Variants in MEF2C observed in about 807,000 individuals in gnomAD.
The protein encoded by MEF2C is myocyte enhancer factor 2C.
A neutral mutation model predicts 50.5 loss-of-function variants in MEF2C; 6 were observed. That is an observed-to-expected ratio of 0.12 (90% CI 0.07 to 0.23). The LOEUF (loss-of-function observed/expected upper bound fraction) is 0.23. MEF2C is among the 10% of genes least tolerant of loss of function. MEF2C has a pLI of 1.00. For missense variants in MEF2C, 276 were observed against 605.0 expected, an observed-to-expected ratio of 0.46 and a Z score of 5.70; for synonymous variants, 183 against 228.0, an observed-to-expected ratio of 0.80 and a Z score of 1.78.
chr5:88,833,353 T>G (rs921364390), intron 1 of MEF2C, among the ~76,000 whole-genome samples: 3 of 152,168 alleles, frequency 2.0e-5, no homozygotes, highest in Non-Finnish European at 4.4e-5. Context: ...TATAGTAATC[T>G]CCAATAAGAT....
rs542816886 is a variant in MEF2C, at chr5:88,768,783, C to T, written c.259-7455G>A. 3.7e-5 allele frequency: 24 copies of T among 642,114 alleles called. No homozygotes were observed. The South Asian group carries it at 6.1e-4, about 16-fold the overall frequency. The allele number at this position is 642,114 out of a possible 1,614,324, so 39.8% of individuals were successfully genotyped here. ...CATTTATTACTACCATTTCACACTA[C>T]GTTAAAACTCAATGTTTTTATTCCC... On this transcript the variant is annotated intron_variant, in intron 3 of 10. Coordinates refer to ENST00000504921, the MANE Select transcript of MEF2C (RefSeq NM_002397.5).
intron 6 of MEF2C, chr5:88,741,225 A>G (rs1379109780): frequency 1.0e-6 from 1 of 985,324 alleles, no homozygotes; most frequent in Non-Finnish European, 1.2e-6. Flanking sequence ...TAAGCTAAAC[A>G]TTATAACCAG....
rs537361868 is a variant in MEF2C at position 88,726,152 on chromosome 5, T to C, written c.1100+2341A>G. On this transcript the variant is annotated intron_variant, in intron 10 of 10. Coordinates refer to ENST00000504921, the MANE Select transcript of MEF2C (RefSeq NM_002397.5). The stretch of plus-strand genomic sequence containing the variant: ...GACAAAATATGAAGAACTCTGTTTA[T>C]GGTTTTGCAATTTTGAGAAAGAATT... Among the ~76,000 whole-genome samples, 34 of 152,276 alleles carry C rather than the reference T, an allele frequency of 2.2e-4. No homozygotes were observed. The South Asian group carries it at 3.9e-3, about 18-fold the overall frequency.
At position 88,718,396 on chromosome 5, in the gene MEF2C, A is replaced by G. The variant is rs1010662522; in HGVS notation, c.*4208T>C. 1 of 152,236 alleles carries G rather than the reference A, an allele frequency of 6.6e-6. No individual in the cohort carries two copies. Among genetic ancestry groups the G allele is most frequent in the African/African-American group, 2.4e-5 (1 of 41,472 alleles). 9.4% of individuals were successfully genotyped at this position (152,236 alleles called of 1,614,324 possible). On this transcript the variant is annotated 3_prime_UTR_variant, in exon 11 of 11. Transcript: ENST00000504921. ...TACACAGATGTGGTTTAACTTAGTT[A>G]TAACATCTTGTCATCTAGTGGCGAC...
At chr5:88,729,713 GTTT>G (rs898986108) in intron 8 of MEF2C, among the ~76,000 whole-genome samples, 1 of 152,114 alleles carries the variant, frequency 6.6e-6, no homozygotes, top group African/African-American at 2.4e-5. Context: ...AACCATGGTA[GTTT>G]TTATGTTCAG....
At position 88,717,171 on chromosome 5, in the gene MEF2C, G is replaced by T. The variant is rs1189920396; in HGVS notation, c.*5433C>A. ...GGATATTATCAGGATAATGATAGCA[G>T]AACACTAAACGAAACACAAGCTAGG... On this transcript the variant is annotated 3_prime_UTR_variant, in exon 11 of 11. Transcript: ENST00000504921. The T allele has an allele frequency of 6.6e-6, 1 of 152,140 alleles. No individual in the cohort carries two copies. The highest frequency in any genetic ancestry group is 6.5e-5 in the Admixed American group (1 of 15,268). 9.4% of individuals were successfully genotyped at this position (152,140 alleles called of 1,614,324 possible). A position where few individuals can be genotyped will look rare whatever the true frequency, so the allele number is the denominator to read the frequency against.
intron 1 of MEF2C, among the ~76,000 whole-genome samples, chr5:88,875,769 C>G (rs903602012): frequency 6.6e-6 from 1 of 151,900 alleles, no homozygotes. Context: ...CTGTTCCTTA[C>G]CCTATGTAGG....
In MEF2C at chr5:88,720,047, C is replaced by T. The variant is rs1755765039; in HGVS notation, c.*2557G>A. 2 of 152,124 alleles carry T rather than the reference C, an allele frequency of 1.3e-5. No individual in the cohort carries two copies. The highest frequency in any genetic ancestry group is 1.3e-4 in the Admixed American group (2 of 15,276). The allele number at this position is 152,124 out of a possible 1,614,324, so 9.4% of individuals were successfully genotyped here. ...CATATTTTCATGTAATGACCCTTTC[C>T]CACCCACTGGTATCTACTGATATTG... On this transcript the variant is annotated 3_prime_UTR_variant, in exon 11 of 11. Transcript: ENST00000504921.
chr5:88,799,041 G>C (rs1797178186), intron 3 of MEF2C, among the ~76,000 whole-genome samples: 2 of 152,196 alleles, frequency 1.3e-5, no homozygotes, highest in African/African-American at 4.8e-5. Context: ...GCACCCACCA[G>C]TTGCCAGCCG....
upstream of MEF2C, among the ~76,000 whole-genome samples, chr5:88,885,399 A>G (rs1164874791): frequency 2.0e-5 from 3 of 152,238 alleles, no homozygotes; most frequent in Non-Finnish European, 1.5e-5. Flanking sequence ...CAGCAAAACT[A>G]AGACCATTCC....
At chr5:88,836,235 A>G (rs1400231518) in intron 1 of MEF2C, among the ~76,000 whole-genome samples, 2 of 152,114 alleles carry the variant, frequency 1.3e-5, no homozygotes, top group African/African-American at 4.8e-5. Flanking sequence ...TTCTTTTCTA[A>G]ATGTATCATG....
At chr5:88,895,340 T>C (rs1835009284) in intron 1 of MEF2C, among the ~76,000 whole-genome samples, 1 of 152,338 alleles carries the variant, frequency 6.6e-6, no homozygotes, top group African/African-American at 2.4e-5. Flanking sequence ...GTCAGTGTTC[T>C]ATATAATATT....
At chr5:88,742,398 T>A (rs1484145953) in intron 6 of MEF2C, 1 of 984,378 alleles carries the variant, frequency 1.0e-6, no homozygotes, top group Non-Finnish European at 1.2e-6. Flanking sequence ...ATTAACGGCT[T>A]GAATTTAATA....
chr5:88,733,688 A>G (rs1372595289), intron 6 of MEF2C: 1 of 985,186 alleles, frequency 1.0e-6, no homozygotes, highest in East Asian at 1.1e-4. Context: ...GTCTCATTTT[A>G]TGCATGAATA....
intron 2 of MEF2C, among the ~76,000 whole-genome samples, chr5:88,816,503 C>CG (rs1805471983): frequency 1.8e-5 from 2 of 111,256 alleles, no homozygotes; most frequent in Non-Finnish European, 3.6e-5. Flanking sequence ...TTTGGAAACT[C>CG]TTACAAGTAT....
intron 3 of MEF2C, among the ~76,000 whole-genome samples, chr5:88,801,793 G>A (rs536978083): frequency 6.6e-6 from 1 of 152,106 alleles, no homozygotes; most frequent in African/African-American, 2.4e-5. Flanking sequence ...GCCTACTTGG[G>A]GAACTTTTTA....
intron 1 of MEF2C, chr5:88,839,136 G>A (rs182916738): frequency 1.3e-5 from 2 of 152,250 alleles, no homozygotes; most frequent in East Asian, 1.9e-4. Flanking sequence ...GTAATCGTGT[G>A]TGTATATATA....
At chr5:88,749,780 C>T (rs1771726047) in intron 5 of MEF2C, among the ~76,000 whole-genome samples, 1 of 152,174 alleles carries the variant, frequency 6.6e-6, no homozygotes, top group African/African-American at 2.4e-5. Flanking sequence ...CCTGTAATCC[C>T]AGCACTTTGG....
intron 1 of MEF2C, among the ~76,000 whole-genome samples, chr5:88,836,240 A>G (rs1815052639): frequency 6.6e-6 from 1 of 152,152 alleles, no homozygotes; most frequent in South Asian, 2.1e-4. Flanking sequence ...TTCTAAATGT[A>G]TCATGGTATA....
Sources: gnomAD v4.1 joint callset for allele counts (sites outside exome capture counted in the v4.1 genomes callset) on GRCh38, gnomAD v4.1.1 for gene constraint, MANE v1.5 for transcripts, NCBI Gene and HGNC (gene_info 2026-07-23, HGNC 2026-07-21) for gene names.